GALNT13: variants seen among roughly 807,000 people sequenced by gnomAD.
GALNT13 encodes UDP-GalNAc:polypeptide N-acetylgalactosaminyltransferase 13.
In GALNT13, 28 loss-of-function variants were observed where a neutral mutation model predicts 64.2. The observed-to-expected ratio is 0.44, with a 90% CI of 0.32 to 0.60. The LOEUF (loss-of-function observed/expected upper bound fraction) is 0.60. Ranked by LOEUF, GALNT13 falls within the 20% of genes least tolerant of loss-of-function variation. The pLI is 0.05. For missense variants in GALNT13, 577 were observed against 669.8 expected, an observed-to-expected ratio of 0.86 and a Z score of 1.53; for synonymous variants, 214 against 224.6, an observed-to-expected ratio of 0.95 and a Z score of 0.42.
chr2:153,265,067 A>G, the GALNT13 span, among the ~76,000 whole-genome samples: 3 of 152,150 alleles, frequency 2.0e-5, no homozygotes, highest in African/African-American at 7.2e-5. Flanking sequence ...GTCATTTTTT[A>G]CTGTCCCTTC....
chr2:154,079,056 A>G (rs1417323923), intron 3 of GALNT13, among the ~76,000 whole-genome samples: 1 of 151,732 alleles, frequency 6.6e-6, no homozygotes, highest in Non-Finnish European at 1.5e-5. Context: ...ATTACAACTC[A>G]TAACTGTAGC....
the GALNT13 span, among the ~76,000 whole-genome samples, chr2:153,530,036 T>C: frequency 1.3e-5 from 2 of 152,094 alleles, no homozygotes; most frequent in Non-Finnish European, 1.5e-5. Context: ...AACATAGTAC[T>C]GGAAGTCCTA....
the GALNT13 span, among the ~76,000 whole-genome samples, chr2:153,428,117 G>T: frequency 6.6e-6 from 1 of 152,120 alleles, no homozygotes; most frequent in Non-Finnish European, 1.5e-5. Flanking sequence ...CTGAAACCAG[G>T]TAGCATGAAT....
At chr2:153,979,278 G>T (rs189718678) in intron 3 of GALNT13, among the ~76,000 whole-genome samples, 3 of 152,172 alleles carry the variant, frequency 2.0e-5, no homozygotes, top group Admixed American at 1.3e-4. Context: ...TAGTGATTCA[G>T]CTAGCCACAC....
chr2:154,374,122 T>C (rs1697847975), intron 9 of GALNT13, among the ~76,000 whole-genome samples: 1 of 152,196 alleles, frequency 6.6e-6, no homozygotes, highest in Non-Finnish European at 1.5e-5. Context: ...CAGTATAGAA[T>C]TGATGTTGTG....
chr2:153,647,633 A>G, the GALNT13 span, among the ~76,000 whole-genome samples: 461 of 152,228 alleles, frequency 3.0e-3, 1 homozygote, highest in Non-Finnish European at 4.9e-3. Flanking sequence ...ATCTTGAATT[A>G]ATTTTTGTAT....
At chr2:153,181,577 C>T in the GALNT13 span, among the ~76,000 whole-genome samples, 4 of 147,736 alleles carry the variant, frequency 2.7e-5, no homozygotes, top group African/African-American at 4.9e-5. Context: ...TGTTTGGATG[C>T]CCTGTCCATT....
chr2:153,269,170 G>GT, the GALNT13 span, among the ~76,000 whole-genome samples: 1 of 149,530 alleles, frequency 6.7e-6, no homozygotes, highest in African/African-American at 2.4e-5. Flanking sequence ...AACTTTTTAT[G>GT]TTCTACTTTT....
the GALNT13 span, among the ~76,000 whole-genome samples, chr2:153,465,569 AGTCT>A: frequency 1.5e-4 from 23 of 151,800 alleles, no homozygotes; most frequent in East Asian, 3.5e-3. Context: ...TAAATCCATG[AGTCT>A]GTACCTCAAG....
the GALNT13 span, among the ~76,000 whole-genome samples, chr2:153,070,474 A>G: frequency 6.6e-6 from 1 of 152,198 alleles, no homozygotes; most frequent in African/African-American, 2.4e-5. Flanking sequence ...ATTTTGGTCA[A>G]TAATAAATCA....
chr2:153,942,769 A>G (rs993843736), intron 2 of GALNT13, among the ~76,000 whole-genome samples: 2 of 152,066 alleles, frequency 1.3e-5, no homozygotes, highest in Non-Finnish European at 2.9e-5. Context: ...TGTTACAATA[A>G]TTATTTTGTA....
intron 3 of GALNT13, among the ~76,000 whole-genome samples, chr2:154,075,445 A>T (rs1700938700): frequency 1.3e-5 from 2 of 151,836 alleles, no homozygotes; most frequent in East Asian, 3.9e-4. Context: ...AAATTAATGC[A>T]TGTAAAAAAG....
intron 4 of GALNT13, among the ~76,000 whole-genome samples, chr2:154,148,018 T>C (rs1388973162): frequency 6.6e-6 from 1 of 152,042 alleles, no homozygotes; most frequent in Non-Finnish European, 1.5e-5. Context: ...GCTGCACCCA[T>C]TAATTCGTCA....
At chr2:153,545,230 T>G in the GALNT13 span, among the ~76,000 whole-genome samples, 1 of 152,202 alleles carries the variant, frequency 6.6e-6, no homozygotes, top group African/African-American at 2.4e-5. Flanking sequence ...CAGCCATTTC[T>G]GAGATATGGC....
At chr2:153,263,934 A>G in the GALNT13 span, among the ~76,000 whole-genome samples, 14 of 152,248 alleles carry the variant, frequency 9.2e-5, no homozygotes, top group African/African-American at 3.4e-4. Flanking sequence ...AAGAAAAGCA[A>G]AAATTGGCAG....
chr2:154,181,733 T>C (rs1362178598), intron 4 of GALNT13, among the ~76,000 whole-genome samples: 1 of 152,008 alleles, frequency 6.6e-6, no homozygotes, highest in Non-Finnish European at 1.5e-5. Flanking sequence ...TACATATCTC[T>C]TACAGGTTGC....
At chr2:154,285,184 T>A (rs566452929) in intron 8 of GALNT13, among the ~76,000 whole-genome samples, 95 of 152,286 alleles carry the variant, frequency 6.2e-4, no homozygotes, top group Admixed American at 1.6e-3. Flanking sequence ...CTCCTCACTC[T>A]GTTGTTTCCT....
the GALNT13 span, among the ~76,000 whole-genome samples, chr2:153,707,356 C>T: frequency 1.7e-3 from 258 of 152,212 alleles, 1 homozygote; most frequent in Admixed American, 3.7e-3. Flanking sequence ...CATCCTAATA[C>T]TGAAAAAAGC....
At chr2:154,413,092 T>C (rs1017483736) in intron 11 of GALNT13, among the ~76,000 whole-genome samples, 1 of 151,918 alleles carries the variant, frequency 6.6e-6, no homozygotes, top group Admixed American at 6.6e-5. Flanking sequence ...AGCACTTCCA[T>C]GTCCCGTACA....
Sources: allele counts gnomAD v4.1 joint callset (sites outside exome capture counted in the v4.1 genomes callset), GRCh38; gene constraint gnomAD v4.1.1; transcripts MANE v1.5; gene names NCBI Gene and HGNC (gene_info 2026-07-23, HGNC 2026-07-21).